CDK12: variants seen among roughly 807,000 people sequenced by gnomAD.
CDK12 encodes cyclin-dependent kinase 12.
Under a neutral mutation model 133.8 loss-of-function variants are expected in CDK12, and 17 were observed. The observed-to-expected ratio is 0.13, with a 90% confidence interval of 0.09 to 0.19. The LOEUF (loss-of-function observed/expected upper bound fraction) is 0.19, where lower values mean the gene tolerates loss of function less well. Among genes scored for constraint, CDK12 ranks in the 10% least tolerant of loss-of-function variants. CDK12 has a pLI of 1.00. For synonymous variants in CDK12, 694 were observed against 683.6 expected (o/e 1.02, Z -0.24); for missense variants, 1,508 against 1,818.7 (o/e 0.83, Z 3.11).
At chr17:39,554,824 A>G (rs2056088334) in intron 2 of CDK12, among the ~76,000 whole-genome samples, 1 of 148,998 alleles carries the variant, frequency 6.7e-6, no homozygotes, top group Non-Finnish European at 1.5e-5. Flanking sequence ...GGTTGCAGTG[A>G]TCTCCGAGTT....
At position 39,462,210 on chromosome 17, in the gene CDK12, TCC is replaced by T; in HGVS notation, c.140_141del (p.Ser47Ter). On this transcript the variant is annotated frameshift_variant, in exon 1 of 14. Transcript: ENST00000447079. LOFTEE classifies it high-confidence loss of function. ...RLVSKHKRHK[S>X]KHSKDMGLVT... is the part of the protein sequence containing the mutation. The stretch of plus-strand genomic sequence containing the variant: ...GGTATCGAAGCACAAGCGGCATAAG[TCC>T]AAACACTCCAAAGACATGGGGTTGG... The T allele has an allele frequency of 6.2e-7, 1 of 1,614,076 alleles. No homozygotes were observed.
intron 2 of CDK12, among the ~76,000 whole-genome samples, chr17:39,481,634 CTCT>C (rs2050676333): frequency 7.7e-4 from 3 of 3,908 alleles, no homozygotes; most frequent in African/African-American, 2.3e-3. Flanking sequence ...CGCTCGCGCG[CTCT>C]CTCTCTCTCT....
chr17:39,471,081 G>A lies in CDK12; in HGVS notation c.1249G>A (p.Gly417Arg), dbSNP rs2145189935. Reference protein sequence around the residue: ...AAAAAAAKMDGKESKGSPVFL... With the variant: ...AAAAAAAKMDRKESKGSPVFL... ...TGCTGCTGCTGCAGCAAAGATGGAT[G>A]GAAAGGAGTCCAAGGGTTCACCTGT... Residue 417 changes from glycine (G) to arginine (R), a missense_variant, in exon 2 of 14, where the codon GGA (glycine) becomes AGA (arginine). Physicochemically the swap from Gly to Arg is moderately radical, Grantham distance 125. Coordinates refer to ENST00000447079, the MANE Select transcript of CDK12 (RefSeq NM_016507.4). 1 of 1,613,646 alleles carries A rather than the reference G, an allele frequency of 6.2e-7. No individual in the cohort carries two copies. The highest frequency in any genetic ancestry group is 8.5e-7 in the Non-Finnish European group (1 of 1,179,776).
In CDK12 at chr17:39,471,053, AGCTGCTGCT is replaced by A; in HGVS notation, c.1227_1235del (p.Ala411_Ala413del). 6.2e-7 allele frequency: 1 copy of A among 1,613,816 alleles called. No individual in the cohort carries two copies. The highest frequency in any genetic ancestry group is 8.5e-7 in the Non-Finnish European group (1 of 1,179,836). ...TCAGTAGGAAAAAGAAGGAAAGAGC[AGCTGCTGCT>A]GCTGCAGCAAAGATGGATGGAAAGG... On this transcript the variant is annotated inframe_deletion, in exon 2 of 14. Transcript: ENST00000447079.
At chr17:39,562,140 A>C (rs1597731867) in intron 3 of CDK12, among the ~76,000 whole-genome samples, 2 of 151,944 alleles carry the variant, frequency 1.3e-5, no homozygotes, top group African/African-American at 4.8e-5. Context: ...GGGTTTCACC[A>C]TGTTGGCCAG....
At chr17:39,566,438 C>T (rs192717631), downstream of CDK12, among the ~76,000 whole-genome samples, 466 of 152,282 alleles carry the variant, frequency 3.1e-3, 13 homozygotes, top group Admixed American at 0.029. Flanking sequence ...TCACCTCAGA[C>T]CCAACCTCTG....
Position 39,462,910 on chromosome 17 carries a change from A to G in CDK12, c.839A>G (p.Lys280Arg), listed in dbSNP as rs2049051057. The change falls in exon 1 of 14, where the codon AAG becomes AGG. Residue 280 changes from lysine to arginine, a missense_variant. By Grantham distance (26) the Lys-to-Arg change is conservative. Coordinates refer to ENST00000447079, the MANE Select transcript of CDK12 (RefSeq NM_016507.4). Reference sequence around the variant, plus strand: ...AGGCAGTCGGTCAGTCCCCCTTACAAGGAGCCTTCGGCCTACCAGTCCAGC... The same window carrying G: ...AGGCAGTCGGTCAGTCCCCCTTACAGGGAGCCTTCGGCCTACCAGTCCAGC... ...SRRQSVSPPY[K>R]EPSAYQSSTR... is the part of the protein sequence containing the mutation. 6.2e-7 allele frequency: 1 copy of G among 1,614,186 alleles called. No individual in the cohort carries two copies. Among genetic ancestry groups the G allele is most frequent in the Non-Finnish European group, 8.5e-7 (1 of 1,180,036 alleles).
intron 5 of CDK12, among the ~76,000 whole-genome samples, chr17:39,500,124 T>G (rs2052611258): frequency 6.6e-6 from 1 of 151,952 alleles, no homozygotes; most frequent in Non-Finnish European, 1.5e-5. Context: ...AGCCAAAGAG[T>G]TAAGAGACCA....
upstream of CDK12, chr17:39,550,149 T>G (rs1320668251): frequency 6.6e-6 from 1 of 152,164 alleles, no homozygotes; most frequent in Non-Finnish European, 1.5e-5. Flanking sequence ...ATTGGATGTA[T>G]TTTTAATTAA....
intron 9 of CDK12, among the ~76,000 whole-genome samples, chr17:39,516,660 CTTT>C (rs900007701): frequency 8.6e-6 from 1 of 116,020 alleles, no homozygotes; most frequent in Non-Finnish European, 1.8e-5. Context: ...CTAATGCAGA[CTTT>C]TTTTTTTTTT....
chr17:39,560,664 A>T (rs1314858881), intron 3 of CDK12, among the ~76,000 whole-genome samples: 2 of 152,208 alleles, frequency 1.3e-5, no homozygotes, highest in Non-Finnish European at 2.9e-5. Context: ...CAGGGAGAGC[A>T]CTGGAGCAGC....
In CDK12 at chr17:39,522,613, T is replaced by C. The variant is rs185333671; in HGVS notation, c.3096-2061T>C. Among the ~76,000 whole-genome samples the C allele has an allele frequency of 3.0e-4, 45 of 152,038 alleles. No individual in the cohort carries two copies. In the East Asian group the frequency reaches 5.7e-3, roughly 19 times the overall value. Reference sequence around the variant, plus strand: ...CACAGCTGGCTAATTTTTGTATTTTTAGTAGAGATGAGGTTTCACCATGTT... The same window carrying C: ...CACAGCTGGCTAATTTTTGTATTTTCAGTAGAGATGAGGTTTCACCATGTT... On this transcript the variant is annotated intron_variant, in intron 11 of 13. Transcript: ENST00000447079.
intron 10 of CDK12, among the ~76,000 whole-genome samples, chr17:39,517,977 A>ATTT (rs574417333): frequency 8.4e-6 from 1 of 118,634 alleles, no homozygotes. Context: ...CTTAGCCTTC[A>ATTT]TTTTTTTTTT....
At chr17:39,519,479 C>T (rs1006605954) in intron 10 of CDK12, among the ~76,000 whole-genome samples, 3 of 151,466 alleles carry the variant, frequency 2.0e-5, no homozygotes, top group African/African-American at 7.3e-5. Context: ...TGGGGTTTCA[C>T]TATGTTGGCC....
intron 1 of CDK12, among the ~76,000 whole-genome samples, chr17:39,469,036 C>T (rs1054669501): frequency 5.3e-5 from 8 of 151,712 alleles, no homozygotes; most frequent in South Asian, 2.1e-4. Context: ...ACCATGTTGG[C>T]CAGGATGGTC....
At chr17:39,495,451 T>C (rs925815852) in intron 5 of CDK12, among the ~76,000 whole-genome samples, 9 of 148,118 alleles carry the variant, frequency 6.1e-5, no homozygotes, top group African/African-American at 1.8e-4. Flanking sequence ...ATATGATGCA[T>C]GTATGCCTTT....
At position 39,517,443 on chromosome 17, in the gene CDK12, A is replaced by G; in HGVS notation, c.2850A>G (p.Arg950=). 6.2e-7 allele frequency: 1 copy of G among 1,602,808 alleles called. No individual in the cohort carries two copies. Among genetic ancestry groups the G allele is most frequent in the Non-Finnish European group, 8.5e-7 (1 of 1,171,076 alleles). ...CTTGCTTTTGCTTTGTTTTCAGCCGACTTTGTGGTAGCCCTTGTCCAGCTG... is the reference window on the plus strand; with the variant it reads ...CTTGCTTTTGCTTTGTTTTCAGCCGGCTTTGTGGTAGCCCTTGTCCAGCTG... The part of the protein sequence containing the change: ...LELAQLELIS[R]LCGSPCPAVW... Residue 950 remains arginine (R), a synonymous_variant, in exon 10 of 14, where the codon CGA becomes CGG. Transcript: ENST00000447079.
chr17:39,538,070 T>G (rs1042309270), downstream of CDK12, among the ~76,000 whole-genome samples: 4 of 152,190 alleles, frequency 2.6e-5, no homozygotes, highest in Non-Finnish European at 4.4e-5. Flanking sequence ...ACCCCTAGGA[T>G]ACTATGAAGA....
At chr17:39,516,144 A>C (rs556795445) in intron 9 of CDK12, among the ~76,000 whole-genome samples, 1 of 152,208 alleles carries the variant, frequency 6.6e-6, no homozygotes, top group Non-Finnish European at 1.5e-5. Flanking sequence ...GATTACTTTT[A>C]ACATTAAACT....
Sources: gnomAD v4.1 joint callset for allele counts (sites outside exome capture counted in the v4.1 genomes callset) on GRCh38, gnomAD v4.1.1 for gene constraint, MANE v1.5 for transcripts, NCBI Gene and HGNC (gene_info 2026-07-23, HGNC 2026-07-21) for gene names.